The following ZNF875 variants were observed in gnomAD, a reference collection of about 807,000 sequenced individuals.
ZNF875 encodes zinc finger protein 875.
A neutral mutation model predicts 11.2 loss-of-function variants in ZNF875; 14 were observed. The ratio of observed to expected loss-of-function variants is 1.26; its 90% CI spans 0.83 to 1.96. The LOEUF (loss-of-function observed/expected upper bound fraction) is 1.96. ZNF875 is among the 30% of genes most tolerant of loss of function. The pLI, the probability that ZNF875 is intolerant of heterozygous loss-of-function variation, is 0.00. For synonymous variants in ZNF875, 301 were observed against 281.1 expected (o/e 1.07, Z -0.71); for missense variants, 752 against 760.4 (o/e 0.99, Z 0.13).
Position 37,334,796 on chromosome 19 carries a change from A to T in ZNF875, c.-57+14A>T. 1 of 457,056 alleles carries T rather than the reference A, an allele frequency of 2.2e-6. No individual in the cohort carries two copies. Among genetic ancestry groups the T allele is most frequent in the South Asian group, 1.5e-5 (1 of 64,566 alleles). 28.3% of individuals were successfully genotyped at this position (457,056 alleles called of 1,614,324 possible). Reference sequence around the variant, plus strand: ...CACCCGCGTTCCGTGAGTGCCCTATAGGCAGTCAGCATGCCCCTCTGCGTG... The same window carrying T: ...CACCCGCGTTCCGTGAGTGCCCTATTGGCAGTCAGCATGCCCCTCTGCGTG... On this transcript the variant is annotated intron_variant, in intron 1 of 4. Coordinates refer to ENST00000392153, the MANE Select transcript of ZNF875 (RefSeq NM_001353803.2).
At chr19:37,315,102 T>A (rs866186001), upstream of ZNF875, 6 of 152,148 alleles carry the variant, frequency 3.9e-5, no homozygotes, top group Non-Finnish European at 7.3e-5. Flanking sequence ...ATTGGTCTAT[T>A]TTGGATATTT....
intron 4 of ZNF875, among the ~76,000 whole-genome samples, chr19:37,349,544 T>G (rs1255095319): frequency 2.6e-5 from 4 of 152,232 alleles, no homozygotes; most frequent in African/African-American, 9.6e-5. Context: ...TGTGAAGCCT[T>G]TTCAATTCTT....
intron 1 of ZNF875, among the ~76,000 whole-genome samples, chr19:37,319,303 C>T (rs2030803923): frequency 7.0e-6 from 1 of 143,622 alleles, no homozygotes; most frequent in East Asian, 2.1e-4. Context: ...GCCTGGGCCT[C>T]CCAAAGTGCT....
chr19:37,323,961 TTCTG>T (rs1356618758), intron 3 of ZNF875, among the ~76,000 whole-genome samples: 4 of 152,162 alleles, frequency 2.6e-5, no homozygotes, highest in Non-Finnish European at 5.9e-5. Context: ...AGTGGAAACA[TTCTG>T]TCTGTTTAGC....
intron 1 of ZNF875, among the ~76,000 whole-genome samples, chr19:37,320,348 G>T (rs1433065234): frequency 6.6e-6 from 1 of 152,170 alleles, no homozygotes; most frequent in African/African-American, 2.4e-5. Flanking sequence ...GACCACAGCA[G>T]TTTTTATGTC....
chr19:37,348,015 G>T, intron 4 of ZNF875, 143 bp downstream of exon 4: 7 of 597,454 alleles, frequency 1.2e-5, no homozygotes, highest in Non-Finnish European at 2.1e-5. Flanking sequence ...CTTCTTTCCG[G>T]AACATAATCT....
At position 37,362,112 on chromosome 19, in the gene ZNF875, C is replaced by G; in HGVS notation, c.260C>G (p.Ser87Trp). The G allele has an allele frequency of 6.2e-7, 1 of 1,608,382 alleles. No homozygotes were observed. Among genetic ancestry groups the G allele is most frequent in the Non-Finnish European group, 8.5e-7 (1 of 1,176,850 alleles). Residue 87 changes from serine to tryptophan, a missense_variant, in exon 5 of 5, where the codon TCG (serine) becomes TGG (tryptophan). By Grantham distance (177) the Ser-to-Trp change is radical. Coordinates refer to ENST00000392153, the MANE Select transcript of ZNF875 (RefSeq NM_001353803.2). ...RKCPLDLCPE[S>W]KPEIQLSPSC... ...GAAAATGTTCTTTCTTCAGCAGAAT[C>G]GAAGCCAGAAATTCAACTTAGTCCC...
upstream of ZNF875, among the ~76,000 whole-genome samples, chr19:37,331,097 G>C (rs1329935390): frequency 1.4e-5 from 2 of 146,550 alleles, no homozygotes; most frequent in African/African-American, 5.1e-5. Context: ...TGAGACAGGA[G>C]AATGGCGTGA....
upstream of ZNF875, among the ~76,000 whole-genome samples, chr19:37,314,679 G>C (rs1278347581): frequency 6.7e-6 from 1 of 150,004 alleles, no homozygotes; most frequent in Non-Finnish European, 1.5e-5. Flanking sequence ...ATAAAAATTA[G>C]CCTGGAGGTT....
chr19:37,355,569 A>T (rs2038758321), intron 4 of ZNF875, among the ~76,000 whole-genome samples: 1 of 152,104 alleles, frequency 6.6e-6, no homozygotes. Flanking sequence ...GCCTCAGTAA[A>T]CTTAACTTTG....
At chr19:37,327,009 T>C (rs1364182846) in intron 4 of ZNF875, among the ~76,000 whole-genome samples, 1 of 151,906 alleles carries the variant, frequency 6.6e-6, no homozygotes, top group African/African-American at 2.4e-5. Flanking sequence ...TTTTTTTTTT[T>C]CGAGATGAAG....
chr19:37,316,026 T>C (rs977961171), upstream of ZNF875, among the ~76,000 whole-genome samples: 1 of 152,192 alleles, frequency 6.6e-6, no homozygotes, highest in Non-Finnish European at 1.5e-5. Context: ...AGTTTCTCCA[T>C]TTCTTCAACG....
Position 37,347,243 on chromosome 19 carries a change from G to T in ZNF875, c.87G>T (p.Arg29Ser). The T allele has an allele frequency of 2.5e-6, 4 of 1,614,156 alleles. No homozygotes were observed. The highest frequency in any genetic ancestry group is 2.5e-6 in the Non-Finnish European group (3 of 1,180,006). Residue 29 changes from arginine to serine, a missense_variant, in exon 3 of 5, where the codon AGG becomes AGT. Arg to Ser is a moderately radical substitution (Grantham distance 110). Transcript: ENST00000392153. Reference sequence around the variant, plus strand: ...TGTACTTCACCCAGGAGGAGTGGAGGTTGTTGAGCCCTGCTCAGAGGACCC... The same window carrying T: ...TGTACTTCACCCAGGAGGAGTGGAGTTTGTTGAGCCCTGCTCAGAGGACCC... ...VAVYFTQEEWRLLSPAQRTLH... is the reference protein window; with the variant it reads ...VAVYFTQEEWSLLSPAQRTLH...
chr19:37,354,997 C>T (rs568739186), intron 4 of ZNF875, among the ~76,000 whole-genome samples: 8 of 152,256 alleles, frequency 5.3e-5, no homozygotes, highest in African/African-American at 1.9e-4. Flanking sequence ...CAGATTAAGA[C>T]ATATGGCATA....
chr19:37,356,806 C>T (rs1568642442), intron 4 of ZNF875, among the ~76,000 whole-genome samples: 1 of 152,168 alleles, frequency 6.6e-6, no homozygotes, highest in Non-Finnish European at 1.5e-5. Flanking sequence ...GTTTCTTTTG[C>T]AGTGCAGAAG....
chr19:37,350,799 CTTTTTTTTTTTT>C (rs61142979), intron 4 of ZNF875, among the ~76,000 whole-genome samples: 8 of 91,246 alleles, frequency 8.8e-5, no homozygotes, highest in African/African-American at 3.1e-4. Context: ...ATTCTTTTTG[CTTTTTTTTTTTT>C]TTTTTTTTTT....
chr19:37,357,863 T>G, intron 4 of ZNF875: 2 of 397,854 alleles, frequency 5.0e-6, no homozygotes. Flanking sequence ...GGATGCCTTT[T>G]ATTTCTCTGT....
rs1474369787 is a variant in ZNF875 at position 37,362,167 on chromosome 19, A to G, written c.315A>G (p.Gln105=). The change falls in exon 5 of 5, where the codon CAA becomes CAG. Residue 105 remains glutamine (Q), a synonymous_variant. Coordinates refer to ENST00000392153, the MANE Select transcript of ZNF875 (RefSeq NM_001353803.2). ...PSCPLIFSSQ[Q]ALSQHVWLSH... is the part of the protein sequence containing the mutation. ...GCCCTCTGATTTTCTCCAGTCAGCAAGCTCTCAGCCAACATGTGTGGCTGA... is the reference window on the plus strand; with the variant it reads ...GCCCTCTGATTTTCTCCAGTCAGCAGGCTCTCAGCCAACATGTGTGGCTGA... 5.0e-6 allele frequency: 8 copies of G among 1,614,164 alleles called. No individual in the cohort carries two copies. In the South Asian group the frequency reaches 8.8e-5, roughly 18 times the overall value.
At chr19:37,338,980 A>T (rs2035098386) in intron 2 of ZNF875, among the ~76,000 whole-genome samples, 1 of 152,216 alleles carries the variant, frequency 6.6e-6, no homozygotes, top group Non-Finnish European at 1.5e-5. Flanking sequence ...TAACAATGAG[A>T]TGAACTGGCA....
Sources: gnomAD v4.1 joint callset for allele counts (sites outside exome capture counted in the v4.1 genomes callset) on GRCh38, gnomAD v4.1.1 for gene constraint, MANE v1.5 for transcripts, NCBI Gene and HGNC (gene_info 2026-07-23, HGNC 2026-07-21) for gene names.